Variants in AK5 observed in about 807,000 individuals in gnomAD.
AK5 encodes adenylate kinase 5.
A neutral mutation model predicts 69.5 loss-of-function variants in AK5; 27 were observed. The ratio of observed to expected loss-of-function variants is 0.39; its 90% confidence interval spans 0.29 to 0.54. The LOEUF is 0.54. Ranked by LOEUF, AK5 falls within the 20% of genes least tolerant of loss-of-function variation. The pLI, the probability that AK5 is intolerant of heterozygous loss-of-function variation, is 0.71. For missense variants in AK5, 531 were observed against 700.4 expected, an observed-to-expected ratio of 0.76 and a Z score of 2.73; for synonymous variants, 260 against 244.4, an observed-to-expected ratio of 1.06 and a Z score of -0.60.
chr1:77,367,692 CG>C (rs1646998885), intron 6 of AK5, among the ~76,000 whole-genome samples: 3 of 27,882 alleles, frequency 1.1e-4, no homozygotes, highest in Non-Finnish European at 2.0e-4. Context: ...GTTATATATA[CG>C]TTATATGTTA....
intron 6 of AK5, among the ~76,000 whole-genome samples, chr1:77,369,635 A>G (rs1016924704): frequency 6.6e-6 from 1 of 152,200 alleles, no homozygotes; most frequent in Non-Finnish European, 1.5e-5. Context: ...GAAGATAAAA[A>G]TGGGACCATA....
intron 5 of AK5, among the ~76,000 whole-genome samples, chr1:77,324,714 T>G (rs1397217952): frequency 6.7e-6 from 1 of 148,852 alleles, no homozygotes; most frequent in East Asian, 2.0e-4. Context: ...AAAAAAAACC[T>G]CTACCCTCCT....
At chr1:77,316,203 G>C (rs764320923) in intron 5 of AK5, among the ~76,000 whole-genome samples, 35 of 152,280 alleles carry the variant, frequency 2.3e-4, no homozygotes, top group Non-Finnish European at 3.8e-4. Flanking sequence ...AAGGACTCCA[G>C]GAATTGTGCT....
Position 77,432,745 on chromosome 1 carries a change from T to C in AK5, c.1059+15030T>C, listed in dbSNP as rs181159450. Among the ~76,000 whole-genome samples the C allele has an allele frequency of 2.7e-3, 411 of 152,284 alleles. 2 individuals carry two copies. Among genetic ancestry groups the C allele is most frequent in the African/African-American group, 8.4e-3 (351 of 41,550 alleles). ...ATAACATGTAGTATTAGTGGAAGCG[T>C]AGACTTTTTTTTATTTAAACAATAG... On this transcript the variant is annotated intron_variant, in intron 8 of 13. Coordinates refer to ENST00000354567, the MANE Select transcript of AK5 (RefSeq NM_174858.3).
chr1:77,471,017 A>G (rs1654474172), intron 8 of AK5, among the ~76,000 whole-genome samples: 1 of 149,604 alleles, frequency 6.7e-6, no homozygotes, highest in Admixed American at 6.7e-5. Flanking sequence ...AGTAGCTGGG[A>G]CTAAAGGCGT....
intron 6 of AK5, among the ~76,000 whole-genome samples, chr1:77,393,657 G>T (rs1648635321): frequency 6.6e-6 from 1 of 152,126 alleles, no homozygotes; most frequent in Non-Finnish European, 1.5e-5. Flanking sequence ...TTTACTACAT[G>T]CAAAGTTCTG....
At chr1:77,427,695 G>A (rs578029648) in intron 8 of AK5, among the ~76,000 whole-genome samples, 5 of 152,218 alleles carry the variant, frequency 3.3e-5, no homozygotes, top group Non-Finnish European at 5.9e-5. Flanking sequence ...CTTTATAAGT[G>A]CAGATGTGAA....
intron 6 of AK5, among the ~76,000 whole-genome samples, chr1:77,345,622 G>A (rs1661876128): frequency 6.6e-6 from 1 of 152,122 alleles, no homozygotes; most frequent in Non-Finnish European, 1.5e-5. Flanking sequence ...TCACAAACCA[G>A]CATCAGTGCT....
At chr1:77,296,905 CAG>C (rs759390529) in intron 3 of AK5, among the ~76,000 whole-genome samples, 27 of 152,218 alleles carry the variant, frequency 1.8e-4, no homozygotes, top group Non-Finnish European at 3.5e-4. Flanking sequence ...GCTTTTTACA[CAG>C]TGTGTGTTCT....
At chr1:77,465,570 G>A (rs1654092000) in intron 8 of AK5, among the ~76,000 whole-genome samples, 1 of 152,072 alleles carries the variant, frequency 6.6e-6, no homozygotes, top group Non-Finnish European at 1.5e-5. Flanking sequence ...GTTGTTCATG[G>A]TTGGGAACAC....
intron 8 of AK5, among the ~76,000 whole-genome samples, chr1:77,440,878 A>T (rs1431410474): frequency 2.0e-5 from 3 of 152,102 alleles, no homozygotes; most frequent in Non-Finnish European, 4.4e-5. Flanking sequence ...CAGCCTCCCA[A>T]GAAGCTGGGA....
intron 9 of AK5, among the ~76,000 whole-genome samples, chr1:77,485,678 C>A (rs1655543028): frequency 1.3e-5 from 2 of 152,096 alleles, no homozygotes; most frequent in Admixed American, 6.5e-5. Context: ...TGAAATAACA[C>A]CAAACTGAGA....
chr1:77,468,152 G>T (rs1440682433), intron 8 of AK5, among the ~76,000 whole-genome samples: 1 of 152,222 alleles, frequency 6.6e-6, no homozygotes, highest in Non-Finnish European at 1.5e-5. Context: ...GGGAGATGTG[G>T]TTGCAGTGTC....
At chr1:77,313,753 G>A (rs766092043) in intron 5 of AK5, 29 of 507,060 alleles carry the variant, frequency 5.7e-5, no homozygotes, top group African/African-American at 1.6e-4. Flanking sequence ...AGCTGCTGCC[G>A]TGATTCTTAG....
At chr1:77,311,595 G>A (rs1246434853) in intron 5 of AK5, among the ~76,000 whole-genome samples, 2 of 152,034 alleles carry the variant, frequency 1.3e-5, no homozygotes, top group African/African-American at 2.4e-5. Context: ...CGTTATTGTC[G>A]TTAGACCATA....
intron 8 of AK5, among the ~76,000 whole-genome samples, chr1:77,464,539 A>C (rs1191716733): frequency 2.0e-5 from 3 of 152,188 alleles, no homozygotes; most frequent in Non-Finnish European, 4.4e-5. Context: ...TGAGTTGGGT[A>C]GGTAGCTAGG....
At chr1:77,485,432 A>C (rs1655528937) in intron 9 of AK5, among the ~76,000 whole-genome samples, 2 of 152,206 alleles carry the variant, frequency 1.3e-5, no homozygotes, top group Admixed American at 6.5e-5. Flanking sequence ...ATTTCACTAA[A>C]AAATGTTTCC....
chr1:77,293,751 A>G (rs367734809), intron 2 of AK5, 42 bp from the exon 3 acceptor site: 5 of 1,515,440 alleles, frequency 3.3e-6, no homozygotes, highest in Admixed American at 2.1e-5. Flanking sequence ...GTGTTTTATT[A>G]TGGTGTTTTT....
At chr1:77,497,733 A>G (rs1156706627) in intron 10 of AK5, among the ~76,000 whole-genome samples, 1 of 152,060 alleles carries the variant, frequency 6.6e-6, no homozygotes, top group Non-Finnish European at 1.5e-5. Context: ...GACTACAGGC[A>G]CGCACCACCA....
Sources: allele counts gnomAD v4.1 joint callset (sites outside exome capture counted in the v4.1 genomes callset), GRCh38; gene constraint gnomAD v4.1.1; transcripts MANE v1.5; gene names NCBI Gene and HGNC (gene_info 2026-07-23, HGNC 2026-07-21).